IPO13: variants seen among roughly 807,000 people sequenced by gnomAD.
The protein encoded by IPO13 is importin 13, also known as importin-13.
In IPO13, 28 loss-of-function variants were observed where a neutral mutation model predicts 115.5. That is an observed-to-expected ratio of 0.24 (90% confidence interval 0.18 to 0.33). IPO13 has a LOEUF of 0.33. IPO13 is among the 10% of genes least tolerant of loss of function. The pLI, the probability that IPO13 is intolerant of heterozygous loss-of-function variation, is 1.00. For missense variants in IPO13, 785 were observed against 1,204.6 expected (o/e 0.65, Z 5.16); for synonymous variants, 414 against 478.9 (o/e 0.86, Z 1.77).
chr1:43,954,514 A>G (rs994826188), intron 2 of IPO13, among the ~76,000 whole-genome samples: 1 of 152,122 alleles, frequency 6.6e-6, no homozygotes, highest in Non-Finnish European at 1.5e-5. Flanking sequence ...ACTCCCTAAC[A>G]TAGATTGCTA....
At chr1:43,947,797 G>C in intron 1 of IPO13, 113 bp downstream of exon 1, 1 of 505,192 alleles carries the variant, frequency 2.0e-6, no homozygotes, top group Non-Finnish European at 3.2e-6. Context: ...TGCCCCCAGA[G>C]CACCTGGCAT....
In IPO13 at chr1:43,958,859, G is replaced by A; in HGVS notation, c.1998G>A (p.Arg666=). The A allele has an allele frequency of 6.2e-7, 1 of 1,614,102 alleles. No individual in the cohort carries two copies. ...HEDDHEGPEL[R]KLPVPQGPNP... ...ATGATCATGAAGGCCCTGAGCTTCG[G>A]AAGCTGCCAGTGCCACAGGGACCCA... is the stretch of plus-strand genomic sequence containing the variant. The change falls in exon 11 of 20, where the codon CGG becomes CGA. Residue 666 remains arginine, a synonymous_variant. Transcript: ENST00000372343. The surrounding 1 kb of genome is among the most constrained non-coding windows in gnomAD (Gnocchi z 6.3).
At position 43,967,950 on chromosome 1, in the gene IPO13, T is replaced by G. The variant is rs771618313; in HGVS notation, c.*268T>G. 1.8e-6 allele frequency: 1 copy of G among 553,756 alleles called. No individual in the cohort carries two copies. The highest frequency in any genetic ancestry group is 3.2e-6 in the Non-Finnish European group (1 of 308,638). 34.3% of individuals were successfully genotyped at this position (553,756 alleles called of 1,614,324 possible). ...GCTGGAGCCCTTCAGAATACTGTCA[T>G]TGTCCTTGGGGCGGGGTGGTTGCAG... On this transcript the variant is annotated 3_prime_UTR_variant, in exon 20 of 20. Coordinates refer to ENST00000372343, the MANE Select transcript of IPO13 (RefSeq NM_014652.4). The surrounding 1 kb of genome is among the most constrained non-coding windows in gnomAD (Gnocchi z 6.1).
At chr1:43,951,519 A>T (rs1228261682) in intron 2 of IPO13, among the ~76,000 whole-genome samples, 2 of 152,204 alleles carry the variant, frequency 1.3e-5, no homozygotes, top group African/African-American at 4.8e-5. Context: ...ATTAGATGTG[A>T]TTAGACAGCA....
chr1:43,959,032 C>T (rs1182570711), intron 11 of IPO13, 143 bp downstream of exon 11: 6 of 758,862 alleles, frequency 7.9e-6, no homozygotes, highest in Non-Finnish European at 1.1e-5. Flanking sequence ...TATATTTGGT[C>T]CTCTGACTCC....
rs757994635 is a variant in IPO13, at chr1:43,967,722, C to T, written c.*40C>T. On this transcript the variant is annotated 3_prime_UTR_variant, in exon 20 of 20. Coordinates refer to ENST00000372343, the MANE Select transcript of IPO13 (RefSeq NM_014652.4). The surrounding 1 kb of genome is among the most constrained non-coding windows in gnomAD (Gnocchi z 6.1). ...CCATCCACCCCTTCTCTTCATCCTT[C>T]CCTATTCCCAAAGAGTAAACCTGGA... 6 of 1,573,328 alleles carry T rather than the reference C, an allele frequency of 3.8e-6. No individual in the cohort carries two copies. In the South Asian group the frequency reaches 6.7e-5, roughly 17 times the overall value.
At position 43,958,915 on chromosome 1, in the gene IPO13, G is replaced by T; in HGVS notation, c.2028+26G>T. On this transcript the variant is annotated intron_variant, in intron 11 of 19. Transcript: ENST00000372343. The surrounding 1 kb of genome is among the most constrained non-coding windows in gnomAD (Gnocchi z 6.3). ...GTGGGTGACATTTGCCCACGGCAAA[G>T]ACATTTGTCTTTGCCATCCCCCCAA... 1 of 1,608,776 alleles carries T rather than the reference G, an allele frequency of 6.2e-7. No individual in the cohort carries two copies. Among genetic ancestry groups the T allele is most frequent in the South Asian group, 1.1e-5 (1 of 90,906 alleles).
chr1:43,960,075 A>G (rs1377118496), intron 11 of IPO13, among the ~76,000 whole-genome samples, 174 bp from the exon 12 acceptor site: 1 of 152,112 alleles, frequency 6.6e-6, no homozygotes, highest in African/African-American at 2.4e-5. Flanking sequence ...TTTTTCATTC[A>G]TGAGAGAGTT....
chr1:43,958,171 C>G lies in IPO13; in HGVS notation c.1722+13C>G. ...GGCTGTGTCCCAGGTATGCAGGGGC[C>G]CTGGATGGTGCTGGGCCTCAGAGCA... On this transcript the variant is annotated intron_variant, in intron 8 of 19. Coordinates refer to ENST00000372343, the MANE Select transcript of IPO13 (RefSeq NM_014652.4). This position sits in a 1 kb window ranked among gnomAD's most constrained non-coding sequence, Gnocchi z 6.3. 6.2e-7 allele frequency: 1 copy of G among 1,613,924 alleles called. No homozygotes were observed. Among genetic ancestry groups the G allele is most frequent in the East Asian group, 2.2e-5 (1 of 44,880 alleles).
At chr1:43,963,839 A>AC (rs934637986) in intron 14 of IPO13, among the ~76,000 whole-genome samples, 13 of 149,998 alleles carry the variant, frequency 8.7e-5, no homozygotes, top group Non-Finnish European at 1.0e-4. Flanking sequence ...TGACTCCCCC[A>AC]CCCCCCCACC....
At chr1:43,950,646 T>C (rs147893076) in intron 2 of IPO13, among the ~76,000 whole-genome samples, 115 of 152,348 alleles carry the variant, frequency 7.5e-4, no homozygotes, top group African/African-American at 2.6e-3. Context: ...GAATCCTTAA[T>C]GTGACTCATA....
In IPO13 at chr1:43,967,719, C is replaced by T; in HGVS notation, c.*37C>T. The T allele has an allele frequency of 6.3e-7, 1 of 1,576,616 alleles. No homozygotes were observed. The highest frequency in any genetic ancestry group is 8.7e-7 in the Non-Finnish European group (1 of 1,146,524). ...ATCCCATCCACCCCTTCTCTTCATC[C>T]TTCCCTATTCCCAAAGAGTAAACCT... is the stretch of plus-strand genomic sequence containing the variant. On this transcript the variant is annotated 3_prime_UTR_variant, in exon 20 of 20. Coordinates refer to ENST00000372343, the MANE Select transcript of IPO13 (RefSeq NM_014652.4). This position sits in a 1 kb window ranked among gnomAD's most constrained non-coding sequence, Gnocchi z 6.1.
Position 43,966,371 on chromosome 1 carries a change from T to C in IPO13, c.2398-204T>C, listed in dbSNP as rs1334434540. 3.2e-6 allele frequency: 2 copies of C among 623,164 alleles called. No individual in the cohort carries two copies. The highest frequency in any genetic ancestry group is 3.7e-5 in the African/African-American group (2 of 54,712). 38.6% of individuals were successfully genotyped at this position (623,164 alleles called of 1,614,324 possible). On this transcript the variant is annotated intron_variant, in intron 15 of 19. Coordinates refer to ENST00000372343, the MANE Select transcript of IPO13 (RefSeq NM_014652.4). This position sits in a 1 kb window ranked among gnomAD's most constrained non-coding sequence, Gnocchi z 4.1. Reference sequence around the variant, plus strand: ...GTACACCTGCGTGTTCATGTACACATACATGTACATAGCATCCCTTGAGCT... The same window carrying C: ...GTACACCTGCGTGTTCATGTACACACACATGTACATAGCATCCCTTGAGCT...
At chr1:43,953,989 C>T (rs562319950) in intron 2 of IPO13, among the ~76,000 whole-genome samples, 2 of 152,202 alleles carry the variant, frequency 1.3e-5, no homozygotes, top group Non-Finnish European at 2.9e-5. Context: ...CTCTTTGAGG[C>T]TGTATTATCC....
chr1:43,961,075 G>A (rs939158391), intron 13 of IPO13, 62 bp downstream of exon 13: 54 of 1,610,164 alleles, frequency 3.4e-5, no homozygotes, highest in African/African-American at 6.7e-5. Flanking sequence ...GATGGCTGCC[G>A]TGGCTGGGGT....
In IPO13 at chr1:43,956,076, TC is replaced by T. The variant is rs1398792333; in HGVS notation, c.822-243del. Among the ~76,000 whole-genome samples the T allele has an allele frequency of 2.0e-5, 3 of 151,786 alleles. No homozygotes were observed. The East Asian group carries it at 5.8e-4, about 29-fold the overall frequency. ...TCTCAGTCCAACTGGAGAACACAAT[TC>T]AACCCATAATGCTGACCTTCTCATA... On this transcript the variant is annotated intron_variant, in intron 2 of 19. Transcript: ENST00000372343. The surrounding 1 kb of genome is among the most constrained non-coding windows in gnomAD (Gnocchi z 4.7).
At position 43,949,851 on chromosome 1, in the gene IPO13, G is replaced by A. The variant is rs369364731; in HGVS notation, c.519G>A (p.Leu173=). ...CLALLELLTV[L]PEEFQTSRLP... ...CCCTGTTAGAGCTGCTGACAGTGCT[G>A]CCTGAGGAGTTCCAGACCAGTCGCC... The change falls in exon 2 of 20, where the codon CTG becomes CTA. Residue 173 remains leucine (L), a synonymous_variant. Coordinates refer to ENST00000372343, the MANE Select transcript of IPO13 (RefSeq NM_014652.4). 3.3e-4 allele frequency: 538 copies of A among 1,613,292 alleles called. 1 individual carries two copies. The highest frequency in any genetic ancestry group is 3.5e-4 in the Non-Finnish European group (408 of 1,179,892).
intron 7 of IPO13, 112 bp from the exon 8 acceptor site, chr1:43,957,865 C>G (rs909166272): frequency 2.1e-5 from 21 of 1,012,814 alleles, no homozygotes; most frequent in Non-Finnish European, 3.0e-5. Flanking sequence ...GGGCAGTACT[C>G]TGTGCTGGGG....
chr1:43,949,716 C>T lies in IPO13; in HGVS notation c.384C>T (p.Ala128=). Residue 128 remains alanine, a synonymous_variant, in exon 2 of 20, where the codon GCC becomes GCT. Transcript: ENST00000372343. ...TGACTCGGCTGTGCGTGGCACTGGC[C>T]TCACTGGCTCTCAGCATGATGCCTG... ...IVLTRLCVAL[A]SLALSMMPDA... 1 of 1,614,200 alleles carries T rather than the reference C, an allele frequency of 6.2e-7. No individual in the cohort carries two copies.
Sources: allele counts gnomAD v4.1 joint callset (sites outside exome capture counted in the v4.1 genomes callset), GRCh38; gene constraint gnomAD v4.1.1; non-coding constraint Gnocchi (gnomAD v3.1); transcripts MANE v1.5; gene names NCBI Gene and HGNC (gene_info 2026-07-23, HGNC 2026-07-21).